DLGAP2: variants seen among roughly 807,000 people sequenced by gnomAD.
DLGAP2 encodes disks large-associated protein 2.
In DLGAP2, 26 loss-of-function variants were observed where a neutral mutation model predicts 100.3. The observed-to-expected ratio is 0.26, with a 90% CI of 0.19 to 0.36. DLGAP2 has a LOEUF of 0.36. DLGAP2 is among the 10% of genes least tolerant of loss of function. The pLI, the probability that DLGAP2 is intolerant of heterozygous loss-of-function variation, is 1.00. For synonymous variants in DLGAP2, 886 were observed against 630.1 expected, an observed-to-expected ratio of 1.41 and a Z score of -6.08; for missense variants, 1,858 against 1,453.2, an observed-to-expected ratio of 1.28 and a Z score of -4.53.
At chr8:1,681,438 G>A (rs1329064632) in intron 12 of DLGAP2, among the ~76,000 whole-genome samples, 3 of 151,992 alleles carry the variant, frequency 2.0e-5, no homozygotes, top group Non-Finnish European at 2.9e-5. Flanking sequence ...TTTTAGACCA[G>A]CCTGGACAAC....
Position 1,392,339 on chromosome 8 carries a change from C to G in DLGAP2, c.107-109027C>G, listed in dbSNP as rs1429425181. 5.3e-5 allele frequency among the ~76,000 whole-genome samples: 8 copies of G among 152,208 alleles called. No homozygotes were observed. The East Asian group carries it at 1.4e-3, about 26-fold the overall frequency. ...GATCCAGGGTCGAGGTGCAGGGTTA[C>G]CCGTTACCTGCACTCCCACGGGGAG... On this transcript the variant is annotated intron_variant, in intron 3 of 14. Coordinates refer to ENST00000637795, the MANE Select transcript of DLGAP2 (RefSeq NM_001346810.2).
intron 2 of DLGAP2, among the ~76,000 whole-genome samples, chr8:1,053,865 G>T (rs902201975): frequency 6.6e-6 from 1 of 152,124 alleles, no homozygotes; most frequent in African/African-American, 2.4e-5. Context: ...GCTAGTTATG[G>T]TAACCTTTTC....
intron 7 of DLGAP2, among the ~76,000 whole-genome samples, chr8:1,630,847 G>C (rs755936316): frequency 2.0e-5 from 3 of 152,020 alleles, no homozygotes; most frequent in Non-Finnish European, 4.4e-5. Flanking sequence ...GCTGCACTCT[G>C]CTTGGGTTTC....
At chr8:774,534 A>G (rs1318721741) in intron 1 of DLGAP2, among the ~76,000 whole-genome samples, 1 of 150,184 alleles carries the variant, frequency 6.7e-6, no homozygotes, top group Non-Finnish European at 1.5e-5. Flanking sequence ...TATAAGGTGT[A>G]AGGAAGGGAT....
At chr8:1,021,993 G>C (rs1801636388) in intron 2 of DLGAP2, among the ~76,000 whole-genome samples, 1 of 152,184 alleles carries the variant, frequency 6.6e-6, no homozygotes, top group Non-Finnish European at 1.5e-5. Context: ...AGTTGCATGT[G>C]CGAAAGCATC....
At chr8:1,615,444 T>C (rs1158502672) in intron 6 of DLGAP2, among the ~76,000 whole-genome samples, 1 of 152,160 alleles carries the variant, frequency 6.6e-6, no homozygotes, top group Non-Finnish European at 1.5e-5. Context: ...AGGAAAAAAC[T>C]GATGTGCTCA....
intron 6 of DLGAP2, among the ~76,000 whole-genome samples, chr8:1,595,404 C>A (rs1343734135): frequency 6.6e-6 from 1 of 152,044 alleles, no homozygotes; most frequent in African/African-American, 2.4e-5. Flanking sequence ...TGGCTCACGC[C>A]TGTAATCCCA....
At chr8:982,883 A>ATTTTTTTTTTTTTTTTTTTTTTTTTTT (rs35686773) in intron 2 of DLGAP2, among the ~76,000 whole-genome samples, 1 of 117,336 alleles carries the variant, frequency 8.5e-6, no homozygotes, top group Non-Finnish European at 1.7e-5. Flanking sequence ...TAAAGGTAGG[A>ATTTTTTTTTTTTTTTTTTTTTTTTTTT]TTTTTTTTTT....
At chr8:950,775 C>T (rs1369593292) in intron 2 of DLGAP2, among the ~76,000 whole-genome samples, 1 of 151,914 alleles carries the variant, frequency 6.6e-6, no homozygotes, top group African/African-American at 2.4e-5. Flanking sequence ...GCATGTGCCA[C>T]CGTGCCCGGC....
intron 3 of DLGAP2, among the ~76,000 whole-genome samples, chr8:1,294,211 C>G (rs916901295): frequency 3.3e-5 from 5 of 152,348 alleles, no homozygotes; most frequent in South Asian, 4.1e-4. Context: ...CACCTCTCCC[C>G]TTGCCAGTCA....
At chr8:1,188,844 G>C (rs1412101558) in intron 2 of DLGAP2, among the ~76,000 whole-genome samples, 1 of 152,182 alleles carries the variant, frequency 6.6e-6, no homozygotes, top group African/African-American at 2.4e-5. Flanking sequence ...AGGAAACAAT[G>C]ACTTGTCACT....
chr8:1,586,507 T>C (rs115827879), intron 6 of DLGAP2, among the ~76,000 whole-genome samples: 2,177 of 152,298 alleles, frequency 0.014, 62 homozygotes, highest in African/African-American at 0.05. Context: ...AGAGGGGGCC[T>C]GCCTGGGTCA....
intron 2 of DLGAP2, among the ~76,000 whole-genome samples, chr8:926,877 C>T (rs984504597): frequency 9.2e-5 from 14 of 152,218 alleles, no homozygotes; most frequent in Non-Finnish European, 2.1e-4. Context: ...CACAGCACTG[C>T]GTGGCAGGAG....
At chr8:852,876 T>C (rs1165286164) in intron 1 of DLGAP2, among the ~76,000 whole-genome samples, 2 of 152,106 alleles carry the variant, frequency 1.3e-5, no homozygotes, top group Admixed American at 6.5e-5. Context: ...TGTTTTTGTT[T>C]ATGGATCCCC....
intron 3 of DLGAP2, among the ~76,000 whole-genome samples, chr8:1,424,177 C>G (rs1186020568): frequency 6.6e-6 from 1 of 152,194 alleles, no homozygotes; most frequent in South Asian, 2.1e-4. Flanking sequence ...CTCTCTTTCA[C>G]GCAAGTTGAG....
At chr8:1,275,233 A>T (rs1252243838) in intron 3 of DLGAP2, among the ~76,000 whole-genome samples, 1 of 152,138 alleles carries the variant, frequency 6.6e-6, no homozygotes, top group Non-Finnish European at 1.5e-5. Context: ...CTTTACGGTC[A>T]CATGGTCCAG....
At chr8:1,526,466 C>T (rs1327635502) in intron 4 of DLGAP2, among the ~76,000 whole-genome samples, 1 of 152,024 alleles carries the variant, frequency 6.6e-6, no homozygotes, top group African/African-American at 2.4e-5. Flanking sequence ...GAGCCCAGGA[C>T]CATAATCATG....
At chr8:1,688,320 C>T (rs1215797229) in intron 12 of DLGAP2, 4 of 152,254 alleles carry the variant, frequency 2.6e-5, no homozygotes, top group Admixed American at 2.0e-4. Context: ...CGGCACAAGG[C>T]CCCGGTGTTA....
At chr8:978,529 G>A (rs1800231275) in intron 2 of DLGAP2, among the ~76,000 whole-genome samples, 1 of 112,744 alleles carries the variant, frequency 8.9e-6, no homozygotes, top group Non-Finnish European at 2.0e-5. Flanking sequence ...AGGGCGTCGG[G>A]GATGCAGTGA....
Sources: gnomAD v4.1 joint callset for allele counts (sites outside exome capture counted in the v4.1 genomes callset) on GRCh38, gnomAD v4.1.1 for gene constraint, MANE v1.5 for transcripts, NCBI Gene and HGNC (gene_info 2026-07-23, HGNC 2026-07-21) for gene names.